ROCK2: variants seen among roughly 807,000 people sequenced by gnomAD.
ROCK2 encodes Rho associated coiled-coil containing protein kinase 2, also known as rho-associated protein kinase 2.
A neutral mutation model predicts 195.1 loss-of-function variants in ROCK2; 61 were observed. The observed-to-expected ratio is 0.31, with a 90% CI of 0.25 to 0.39. The LOEUF is 0.39. Among genes scored for constraint, ROCK2 ranks in the 10% least tolerant of loss-of-function variants. The pLI is 1.00. For synonymous variants in ROCK2, 504 were observed against 545.5 expected (o/e 0.92, Z 1.06); for missense variants, 1,109 against 1,637.4 (o/e 0.68, Z 5.57).
At chr2:11,327,194 G>A (rs888822075) in intron 1 of ROCK2, among the ~76,000 whole-genome samples, 1 of 152,154 alleles carries the variant, frequency 6.6e-6, no homozygotes, top group Admixed American at 6.5e-5. Flanking sequence ...AGGACACTGA[G>A]GATTCTGGCA....
chr2:11,252,939 T>TATAATAATAATAATA (rs199970738), intron 3 of ROCK2, among the ~76,000 whole-genome samples: 1 of 143,338 alleles, frequency 7.0e-6, no homozygotes, highest in African/African-American at 2.6e-5. Context: ...AACTTAAAAG[T>TATAATAATAATAATA]ATAATAATAA....
At chr2:11,317,332 G>A (rs779572388) in intron 1 of ROCK2, among the ~76,000 whole-genome samples, 3 of 151,438 alleles carry the variant, frequency 2.0e-5, no homozygotes, top group Non-Finnish European at 4.4e-5. Flanking sequence ...GCATGGGTTA[G>A]TGAAAAAAGT....
intron 1 of ROCK2, among the ~76,000 whole-genome samples, chr2:11,299,600 G>C (rs879420524): frequency 1.5e-4 from 23 of 152,106 alleles, no homozygotes; most frequent in African/African-American, 2.7e-4. Context: ...GGATACAGCA[G>C]AGGCAGAAGC....
intron 4 of ROCK2, among the ~76,000 whole-genome samples, chr2:11,247,084 T>C (rs973579608): frequency 2.0e-5 from 3 of 152,192 alleles, no homozygotes; most frequent in African/African-American, 7.2e-5. Context: ...AACATTAGGC[T>C]AGGTGAAAGA....
At chr2:11,211,906 T>C in intron 17 of ROCK2, 66 bp from the exon 18 acceptor site, 1 of 1,281,886 alleles carries the variant, frequency 7.8e-7, no homozygotes, top group East Asian at 2.5e-5. Flanking sequence ...AAAAGCTTTC[T>C]AATTTTTTTT....
chr2:11,317,612 A>ATATATATATATT (rs59701503), intron 1 of ROCK2, among the ~76,000 whole-genome samples: 19 of 19,300 alleles, frequency 9.8e-4, no homozygotes, highest in African/African-American at 1.6e-3. Context: ...ATATATATAT[A>ATATATATATATT]TTTTTTTTTT....
At position 11,192,520 on chromosome 2, in the gene ROCK2, G is replaced by A. The variant is rs527957824; in HGVS notation, c.3880C>T (p.Arg1294Cys). The A allele has an allele frequency of 1.3e-5, 21 of 1,613,874 alleles. No individual in the cohort carries two copies. The highest frequency in any genetic ancestry group is 6.7e-5 in the Admixed American group (4 of 59,978). Residue 1294 changes from arginine to cysteine, a missense_variant, in exon 31 of 33, where the codon CGC becomes TGC. Physicochemically the swap from Arg to Cys is radical, Grantham distance 180. Transcript: ENST00000315872. The surrounding 1 kb of genome is among the most constrained non-coding windows in gnomAD (Gnocchi z 5.0). Reference sequence around the variant, plus strand: ...TTATGACACTTAATATGGCAACGGCGGCACTCCAAAGCAGGAGGAGGCTTA... The same window carrying A: ...TTATGACACTTAATATGGCAACGGCAGCACTCCAAAGCAGGAGGAGGCTTA... ...MFKPPPALEC[R>C]RCHIKCHKDH...
intron 3 of ROCK2, among the ~76,000 whole-genome samples, chr2:11,254,474 TA>T (rs1665948971): frequency 1.3e-5 from 2 of 152,152 alleles, no homozygotes; most frequent in African/African-American, 4.8e-5. Context: ...TGTACTTGGC[TA>T]AAGGCTGGGC....
chr2:11,272,036 A>T (rs561453332), intron 3 of ROCK2, among the ~76,000 whole-genome samples: 1 of 151,384 alleles, frequency 6.6e-6, no homozygotes, highest in Non-Finnish European at 1.5e-5. Context: ...AAAAAAAAAA[A>T]GTAGAATTGA....
chr2:11,202,248 T>C, intron 20 of ROCK2, 127 bp from the exon 21 acceptor site: 1 of 768,986 alleles, frequency 1.3e-6, no homozygotes. Flanking sequence ...TAAGGTCAAA[T>C]CATTTTCATA....
intron 1 of ROCK2, among the ~76,000 whole-genome samples, chr2:11,333,316 T>C (rs746686284): frequency 2.0e-5 from 3 of 152,190 alleles, no homozygotes; most frequent in Non-Finnish European, 4.4e-5. Context: ...ATTTTGCCAA[T>C]TGCACTACAT....
chr2:11,314,839 G>A (rs952859332), intron 1 of ROCK2, among the ~76,000 whole-genome samples: 22 of 152,004 alleles, frequency 1.4e-4, no homozygotes, highest in Middle Eastern at 3.4e-3. Context: ...TGTGAAAAGA[G>A]CTGCAAAAAA....
chr2:11,343,887 G>T (rs1669192052), intron 1 of ROCK2, 109 bp downstream of exon 1: 2 of 1,355,142 alleles, frequency 1.5e-6, no homozygotes, highest in Non-Finnish European at 2.0e-6. Context: ...AGGGCGGGGT[G>T]GGGCAAGACC....
At chr2:11,214,568 G>A in intron 16 of ROCK2, 105 bp from the exon 17 acceptor site, 1 of 710,534 alleles carries the variant, frequency 1.4e-6, no homozygotes, top group East Asian at 2.7e-5. Context: ...GCTGTTGTTT[G>A]TGAGCAGAAG....
At chr2:11,295,989 A>AGAGAGG (rs1329784247) in intron 1 of ROCK2, among the ~76,000 whole-genome samples, 1 of 23,438 alleles carries the variant, frequency 4.3e-5, no homozygotes, top group Non-Finnish European at 1.1e-4. Context: ...AGAGAGAGAG[A>AGAGAGG]GGAGAGAGAG....
intron 4 of ROCK2, among the ~76,000 whole-genome samples, chr2:11,237,751 C>T (rs1665261665): frequency 6.6e-6 from 1 of 152,032 alleles, no homozygotes. Context: ...AGACCATTTT[C>T]AAAAAAATTA....
At chr2:11,330,038 G>T (rs1256560648) in intron 1 of ROCK2, among the ~76,000 whole-genome samples, 1 of 152,048 alleles carries the variant, frequency 6.6e-6, no homozygotes, top group Non-Finnish European at 1.5e-5. Flanking sequence ...CAACACTGAG[G>T]TATTATGGAA....
chr2:11,192,227 A>C lies in ROCK2; in HGVS notation c.4084T>G (p.Ser1362Ala). ...TGTATCTTCATTGAAGTTCTAGGAG[A>C]TGATCGGGCAAAAGGGTCTGGAGCT... ...PPAPDPFARS[S>A]PRTSMKIQQN... Residue 1362 changes from serine to alanine, a missense_variant, in exon 32 of 33, where the codon TCT becomes GCT. This residue lies in a region of ROCK2 where 221 missense variants were observed against 355.1 expected (regional missense o/e 0.62). Coordinates refer to ENST00000315872, the MANE Select transcript of ROCK2 (RefSeq NM_004850.5). This position sits in a 1 kb window ranked among gnomAD's most constrained non-coding sequence, Gnocchi z 5.0. 1 of 1,613,570 alleles carries C rather than the reference A, an allele frequency of 6.2e-7. No individual in the cohort carries two copies. The highest frequency in any genetic ancestry group is 8.5e-7 in the Non-Finnish European group (1 of 1,179,942).
chr2:11,257,695 G>A (rs1666085419), intron 3 of ROCK2, among the ~76,000 whole-genome samples: 1 of 151,302 alleles, frequency 6.6e-6, no homozygotes, highest in Non-Finnish European at 1.5e-5. Flanking sequence ...GCGGCCCATG[G>A]GAAGATCCAG....
Sources: allele counts gnomAD v4.1 joint callset (sites outside exome capture counted in the v4.1 genomes callset), GRCh38; gene constraint gnomAD v4.1.1; regional missense constraint gnomAD v4.1.1; non-coding constraint Gnocchi (gnomAD v3.1); transcripts MANE v1.5; gene names NCBI Gene and HGNC (gene_info 2026-07-23, HGNC 2026-07-21).